The following PCDHA8 variants were observed in gnomAD, a reference collection of about 807,000 sequenced individuals.
PCDHA8 encodes protocadherin alpha 8, also known as protocadherin alpha-8.
In PCDHA8, 53 loss-of-function variants were observed where a neutral mutation model predicts 61.8. That is an observed-to-expected ratio of 0.86 (90% CI 0.69 to 1.08). The LOEUF (loss-of-function observed/expected upper bound fraction) is 1.08. Among genes scored for constraint, PCDHA8 ranks in the 50% least tolerant of loss-of-function variants. The probability of loss-of-function intolerance (pLI) is 0.00; values close to 1 mark genes in which losing one functional copy is unlikely to be tolerated. For synonymous variants in PCDHA8, 618 were observed against 556.6 expected (o/e 1.11, Z -1.55); for missense variants, 1,293 against 1,245.0 (o/e 1.04, Z -0.58).
intron 1 of PCDHA8, among the ~76,000 whole-genome samples, chr5:140,914,983 G>C (rs2076933598): frequency 7.2e-6 from 1 of 139,166 alleles, no homozygotes; most frequent in Non-Finnish European, 1.5e-5. Context: ...GTCTTGCTCT[G>C]CTACCAGGCT....
chr5:140,996,848 G>A (rs560517454), intron 3 of PCDHA8, among the ~76,000 whole-genome samples: 1 of 152,254 alleles, frequency 6.6e-6, no homozygotes, highest in African/African-American at 2.4e-5. Flanking sequence ...TGCATCTTCA[G>A]AATTCTTTAT....
intron 1 of PCDHA8, among the ~76,000 whole-genome samples, chr5:140,897,105 C>T (rs981189512): frequency 3.3e-5 from 5 of 152,062 alleles, no homozygotes; most frequent in South Asian, 2.1e-4. Flanking sequence ...TAAAAATCTC[C>T]ACTTTCTGTC....
intron 1 of PCDHA8, among the ~76,000 whole-genome samples, chr5:140,954,720 T>C (rs1255262640): frequency 1.3e-5 from 2 of 152,168 alleles, no homozygotes; most frequent in African/African-American, 4.8e-5. Context: ...ATTCTGTAGG[T>C]TGTCTTTTCA....
chr5:140,988,059 T>C (rs1587274242), intron 3 of PCDHA8, among the ~76,000 whole-genome samples: 1 of 152,324 alleles, frequency 6.6e-6, no homozygotes, highest in East Asian at 1.9e-4. Flanking sequence ...ACTGTCAACA[T>C]GAATTTTTCT....
chr5:140,877,081 G>T (rs201590988), intron 1 of PCDHA8: 2 of 1,613,120 alleles, frequency 1.2e-6, no homozygotes, highest in Non-Finnish European at 1.7e-6. Flanking sequence ...CCAGGTGAGC[G>T]CGCGCGACGC....
chr5:140,856,105 C>T (rs1287720041), intron 1 of PCDHA8: 2 of 1,598,000 alleles, frequency 1.3e-6, no homozygotes, highest in Non-Finnish European at 1.7e-6. Flanking sequence ...CGCTTCTTCT[C>T]CTCGCAGCCT....
chr5:141,008,375 C>T (rs77600037), intron 3 of PCDHA8, among the ~76,000 whole-genome samples: 2,306 of 152,234 alleles, frequency 0.015, 24 homozygotes, highest in Middle Eastern at 0.031. Flanking sequence ...GTGTTAGATA[C>T]ATAAACATTG....
At chr5:140,980,835 T>A (rs2096907301) in intron 2 of PCDHA8, among the ~76,000 whole-genome samples, 1 of 152,220 alleles carries the variant, frequency 6.6e-6, no homozygotes, top group South Asian at 2.1e-4. Flanking sequence ...GTTGTGAACC[T>A]AAATAATACT....
rs782133260 is a variant in PCDHA8 at position 140,856,504 on chromosome 5, A to G, written c.2394+12789A>G. 3.8e-6 allele frequency: 6 copies of G among 1,598,348 alleles called. 1 individual carries two copies. The highest frequency in any genetic ancestry group is 8.6e-7 in the Non-Finnish European group (1 of 1,167,852). ...CCAGACTGCTTGACTCTCGATTTCC[A>G]CTAGAAGGCGCATCTGATGCGGATG... On this transcript the variant is annotated intron_variant, in intron 1 of 3. Transcript: ENST00000531613.
At chr5:140,941,523 A>T (rs1351933430) in intron 1 of PCDHA8, among the ~76,000 whole-genome samples, 1 of 151,186 alleles carries the variant, frequency 6.6e-6, no homozygotes, top group Non-Finnish European at 1.5e-5. Flanking sequence ...CACCATCTTG[A>T]CCAGGCTGGT....
intron 3 of PCDHA8, among the ~76,000 whole-genome samples, chr5:140,999,527 C>G (rs578180518): frequency 6.6e-6 from 1 of 152,088 alleles, no homozygotes; most frequent in Non-Finnish European, 1.5e-5. Context: ...TTGTTACCCC[C>G]TGGATATGAC....
chr5:140,896,735 T>C (rs930657295), intron 1 of PCDHA8, among the ~76,000 whole-genome samples: 8 of 152,166 alleles, frequency 5.3e-5, no homozygotes, highest in Non-Finnish European at 4.4e-5. Context: ...TTTAAGTTCC[T>C]TATAGATTCT....
intron 1 of PCDHA8, among the ~76,000 whole-genome samples, chr5:140,908,256 A>T (rs192899359): frequency 6.6e-6 from 1 of 152,130 alleles, no homozygotes; most frequent in Non-Finnish European, 1.5e-5. Context: ...AACTGATCAT[A>T]GGGAACTCCC....
intron 1 of PCDHA8, among the ~76,000 whole-genome samples, chr5:140,956,811 C>T (rs1349300314): frequency 6.6e-6 from 1 of 152,108 alleles, no homozygotes; most frequent in African/African-American, 2.4e-5. Context: ...TTTATTATTG[C>T]TTCAATTTGT....
chr5:140,918,423 G>A (rs1450010103), intron 1 of PCDHA8, among the ~76,000 whole-genome samples: 2 of 152,076 alleles, frequency 1.3e-5, no homozygotes, highest in Admixed American at 1.3e-4. Context: ...CTTCCAGTAG[G>A]ATGTTGAATA....
intron 1 of PCDHA8, chr5:140,966,759 C>G: frequency 6.9e-7 from 1 of 1,447,012 alleles, no homozygotes; most frequent in Non-Finnish European, 9.1e-7. Context: ...CCGCCGCGGC[C>G]AGTGGCTATG....
intron 1 of PCDHA8, chr5:140,929,602 A>G: frequency 2.4e-6 from 1 of 417,610 alleles, no homozygotes; most frequent in Non-Finnish European, 4.3e-6. Flanking sequence ...CTAAAATTAA[A>G]AATAAAATAC....
At chr5:140,888,189 T>C (rs1554183360) in intron 1 of PCDHA8, among the ~76,000 whole-genome samples, 2 of 152,344 alleles carry the variant, frequency 1.3e-5, no homozygotes. Flanking sequence ...TTGTGAATTT[T>C]ACATTGTCGG....
intron 1 of PCDHA8, chr5:140,868,179 A>G (rs1220525883): frequency 1.3e-5 from 2 of 152,152 alleles, no homozygotes; most frequent in African/African-American, 2.4e-5. Context: ...GATATCTCAT[A>G]TTATGCTACT....
Sources: gnomAD v4.1 joint callset for allele counts (sites outside exome capture counted in the v4.1 genomes callset) on GRCh38, gnomAD v4.1.1 for gene constraint, MANE v1.5 for transcripts, NCBI Gene and HGNC (gene_info 2026-07-23, HGNC 2026-07-21) for gene names.